The following EFCAB5 variants were observed in gnomAD, a reference collection of about 807,000 sequenced individuals.
The protein encoded by EFCAB5 is EF-hand calcium-binding domain-containing protein 5.
EFCAB5 carries 131 observed loss-of-function variants against 167.9 expected under a neutral mutation model. The observed-to-expected ratio is 0.78, with a 90% CI of 0.68 to 0.90. EFCAB5 has a LOEUF of 0.90. Among genes scored for constraint, EFCAB5 ranks in the 40% least tolerant of loss-of-function variants. The pLI, the probability that EFCAB5 is intolerant of heterozygous loss-of-function variation, is 0.00. For synonymous variants in EFCAB5, 574 were observed against 602.8 expected (o/e 0.95, Z 0.70); for missense variants, 1,663 against 1,745.2 (o/e 0.95, Z 0.84).
intron 18 of EFCAB5, among the ~76,000 whole-genome samples, chr17:30,086,247 A>G (rs1350734135): frequency 2.0e-5 from 3 of 152,178 alleles, no homozygotes; most frequent in African/African-American, 7.2e-5. Flanking sequence ...AGAATATGTT[A>G]ATATACGTTC....
intron 17 of EFCAB5, among the ~76,000 whole-genome samples, chr17:30,081,995 G>A (rs1180157415): frequency 6.6e-6 from 1 of 152,180 alleles, no homozygotes; most frequent in Non-Finnish European, 1.5e-5. Context: ...TAATTTTGAA[G>A]AGTTTGTGAT....
intron 7 of EFCAB5, among the ~76,000 whole-genome samples, chr17:30,024,441 A>G (rs1419547749): frequency 6.6e-6 from 1 of 152,210 alleles, no homozygotes; most frequent in Non-Finnish European, 1.5e-5. Context: ...AATTGCTTCA[A>G]AGAGAATAAA....
At chr17:29,998,662 T>C (rs1323074776) in intron 6 of EFCAB5, among the ~76,000 whole-genome samples, 2 of 152,204 alleles carry the variant, frequency 1.3e-5, no homozygotes, top group African/African-American at 4.8e-5. Flanking sequence ...AAAATTTATA[T>C]AGCCTTCCTA....
In EFCAB5 at chr17:29,968,978, C is replaced by T. The variant is rs1340289594; in HGVS notation, c.378C>T (p.Ala126=). 1.3e-6 allele frequency: 2 copies of T among 1,588,338 alleles called. No individual in the cohort carries two copies. Among genetic ancestry groups the T allele is most frequent in the South Asian group, 1.2e-5 (1 of 86,272 alleles). Reference sequence around the variant, plus strand: ...TTTTTGAAAGAATGGAGGCAAGAGCCCAAGCAATGCAGCAGAAAATAATAG... The same window carrying T: ...TTTTTGAAAGAATGGAGGCAAGAGCTCAAGCAATGCAGCAGAAAATAATAG... The part of the protein sequence containing the change: ...KNLFERMEAR[A]QAMQQKIIDK... Residue 126 remains alanine, a synonymous_variant, in exon 4 of 23, where the codon GCC becomes GCT. Coordinates refer to ENST00000394835, the MANE Select transcript of EFCAB5 (RefSeq NM_198529.4).
At position 30,092,824 on chromosome 17, in the gene EFCAB5, T is replaced by G. The variant is rs1015943092; in HGVS notation, c.4225-16T>G. ...CCTGGTGATCCCATAAATTTTCTCT[T>G]GTTGTTTGTTCACAGTATGTTAACA... On this transcript the variant is annotated splice_polypyrimidine_tract_variant and intron_variant, in intron 21 of 22. Transcript: ENST00000394835. 2.5e-6 allele frequency: 4 copies of G among 1,586,448 alleles called. No individual in the cohort carries two copies. In the African/African-American group the frequency reaches 5.5e-5, roughly 22 times the overall value.
At chr17:29,968,082 C>T (rs1022710219) in intron 3 of EFCAB5, among the ~76,000 whole-genome samples, 1 of 151,948 alleles carries the variant, frequency 6.6e-6, no homozygotes, top group Non-Finnish European at 1.5e-5. Flanking sequence ...CCTAATGTTG[C>T]GTAGGCTGGT....
intron 4 of EFCAB5, among the ~76,000 whole-genome samples, chr17:29,971,652 T>G (rs574642472): frequency 6.6e-6 from 1 of 152,356 alleles, no homozygotes; most frequent in Admixed American, 6.5e-5. Flanking sequence ...CTTAGATTCC[T>G]TAATGATGAA....
intron 9 of EFCAB5, among the ~76,000 whole-genome samples, chr17:30,052,095 G>A (rs2070115850): frequency 6.6e-6 from 1 of 152,060 alleles, no homozygotes; most frequent in Non-Finnish European, 1.5e-5. Context: ...AGGACTACAG[G>A]GATGTGCCAC....
intron 3 of EFCAB5, among the ~76,000 whole-genome samples, chr17:29,956,314 C>T (rs2067614213): frequency 6.6e-6 from 1 of 152,208 alleles, no homozygotes. Flanking sequence ...AATCAGGCAG[C>T]TTCCAGAACC....
chr17:30,015,555 C>T (rs1342317598), intron 7 of EFCAB5, among the ~76,000 whole-genome samples: 2 of 152,126 alleles, frequency 1.3e-5, no homozygotes, highest in African/African-American at 4.8e-5. Context: ...TGTAGTTGCA[C>T]CATTTTACAT....
intron 22 of EFCAB5, among the ~76,000 whole-genome samples, chr17:30,103,390 G>T (rs2151861122): frequency 6.6e-6 from 1 of 151,950 alleles, no homozygotes; most frequent in South Asian, 2.1e-4. Flanking sequence ...CATTTAAAAA[G>T]CCACTACATG....
intron 13 of EFCAB5, among the ~76,000 whole-genome samples, chr17:30,058,138 A>T (rs2070326688): frequency 6.6e-6 from 1 of 152,168 alleles, no homozygotes; most frequent in Admixed American, 6.5e-5. Flanking sequence ...GTACAGCTTT[A>T]TTCTTTCTCT....
chr17:30,019,311 A>G (rs2069118544), intron 7 of EFCAB5, among the ~76,000 whole-genome samples: 1 of 151,818 alleles, frequency 6.6e-6, no homozygotes, highest in Non-Finnish European at 1.5e-5. Context: ...TTTTAAAGCA[A>G]AAATTGATTT....
intron 3 of EFCAB5, among the ~76,000 whole-genome samples, chr17:29,962,493 T>C (rs2067739397): frequency 6.6e-6 from 1 of 151,998 alleles, no homozygotes; most frequent in Non-Finnish European, 1.5e-5. Context: ...TTTTTAGAGA[T>C]AGGGTCTCAC....
At chr17:30,058,413 A>G (rs9900251) in intron 13 of EFCAB5, among the ~76,000 whole-genome samples, 14,768 of 152,252 alleles carry the variant, frequency 0.097, 1,642 homozygotes, top group African/African-American at 0.27. Flanking sequence ...AAGCTTATTC[A>G]GTAATCATCA....
intron 4 of EFCAB5, among the ~76,000 whole-genome samples, chr17:29,990,698 G>C (rs969031489): frequency 5.3e-5 from 8 of 152,140 alleles, no homozygotes; most frequent in Non-Finnish European, 8.8e-5. Flanking sequence ...AAAGGAAAAG[G>C]CTCAAATGTA....
In EFCAB5 at chr17:30,053,485, G is replaced by A; in HGVS notation, c.1531G>A (p.Gly511Arg). The change falls in exon 10 of 23, where the codon GGA (glycine) becomes AGA (arginine). Residue 511 changes from glycine (G) to arginine (R), a missense_variant. Transcript: ENST00000394835. The part of the protein sequence containing the change: ...PSPNPPEQQR[G>R]VTAEQGPQRI... ...ACCAAACCCGCCAGAACAGCAGAGA[G>A]GAGTAACTGCAGAACAAGGACCACA... 1 of 1,613,972 alleles carries A rather than the reference G, an allele frequency of 6.2e-7. No homozygotes were observed. Among genetic ancestry groups the A allele is most frequent in the South Asian group, 1.1e-5 (1 of 91,080 alleles).
chr17:30,085,621 G>C (rs1439482194), intron 18 of EFCAB5, among the ~76,000 whole-genome samples: 1 of 151,964 alleles, frequency 6.6e-6, no homozygotes, highest in African/African-American at 2.4e-5. Context: ...GGGAGGCTGA[G>C]GCAGGAGAAT....
chr17:30,098,697 T>C (rs564852408), intron 22 of EFCAB5, among the ~76,000 whole-genome samples: 31 of 152,184 alleles, frequency 2.0e-4, no homozygotes, highest in Non-Finnish European at 3.8e-4. Flanking sequence ...TTTTAAAGTG[T>C]AGAATTTAGT....
Sources: allele counts gnomAD v4.1 joint callset (sites outside exome capture counted in the v4.1 genomes callset), GRCh38; gene constraint gnomAD v4.1.1; transcripts MANE v1.5; gene names NCBI Gene and HGNC (gene_info 2026-07-23, HGNC 2026-07-21).